GRIK5: variants seen among roughly 807,000 people sequenced by gnomAD.
GRIK5 encodes the protein glutamate ionotropic receptor kainate type subunit 5, also known as glutamate receptor ionotropic, kainate 5.
A neutral mutation model predicts 97.4 loss-of-function variants in GRIK5; 43 were observed. The ratio of observed to expected loss-of-function variants is 0.44; its 90% CI spans 0.35 to 0.57. GRIK5 has a LOEUF of 0.57. GRIK5 is among the 20% of genes least tolerant of loss of function. The pLI, the probability that GRIK5 is intolerant of heterozygous loss-of-function variation, is 0.01. For synonymous variants in GRIK5, 580 were observed against 583.5 expected (o/e 0.99, Z 0.09); for missense variants, 1,015 against 1,382.0 (o/e 0.73, Z 4.21).
At chr19:42,044,160 G>C (rs1335125220) in intron 11 of GRIK5, among the ~76,000 whole-genome samples, 1 of 152,114 alleles carries the variant, frequency 6.6e-6, no homozygotes, top group Non-Finnish European at 1.5e-5. Context: ...TGTGAAGAAG[G>C]TGCCTTGCTT....
intron 6 of GRIK5, 48 bp from the exon 7 acceptor site, chr19:42,057,026 C>A (rs1350832729): frequency 7.1e-7 from 1 of 1,416,568 alleles, no homozygotes; most frequent in African/African-American, 1.4e-5. Flanking sequence ...CAGAGACCCA[C>A]AGGCAGAGAT....
intron 15 of GRIK5, among the ~76,000 whole-genome samples, chr19:42,020,573 AGATAGGAGGTTGG>A: frequency 6.6e-6 from 1 of 152,194 alleles, no homozygotes; most frequent in Admixed American, 6.5e-5. Context: ...TCACAGGATG[AGATAGGAGGTTGG>A]CACAAGATAC....
Position 42,065,138 on chromosome 19 carries a change from C to G in GRIK5, c.244+85G>C, listed in dbSNP as rs1207264542. On this transcript the variant is annotated intron_variant, in intron 3 of 19. Transcript: ENST00000593562. This position sits in a 1 kb window ranked among gnomAD's most constrained non-coding sequence, Gnocchi z 5.8. ...AGGATGGAGCTAGAAGAGGACAAGG[C>G]CAGGCCAGAGGCCAGGGGCAGAGGG... 1.6e-6 allele frequency: 2 copies of G among 1,235,134 alleles called. No individual in the cohort carries two copies. The highest frequency in any genetic ancestry group is 3.0e-5 in the African/African-American group (2 of 67,330). The allele number at this position is 1,235,134 out of a possible 1,614,324, so 76.5% of individuals were successfully genotyped here.
intron 11 of GRIK5, among the ~76,000 whole-genome samples, chr19:42,045,782 C>T (rs10407506): frequency 0.18 from 26,974 of 152,146 alleles, 2,529 homozygotes; most frequent in Middle Eastern, 0.21. Flanking sequence ...ACAGCAATTC[C>T]GTCAGCGTGG....
In GRIK5 at chr19:42,002,384, G is replaced by A. The variant is rs2075433246; in HGVS notation, c.2514+948C>T. 7.0e-6 allele frequency: 5 copies of A among 717,660 alleles called. No homozygotes were observed. The highest frequency in any genetic ancestry group is 1.3e-5 in the Non-Finnish European group (5 of 385,106). The allele number at this position is 717,660 out of a possible 1,614,324, so 44.5% of individuals were successfully genotyped here. On this transcript the variant is annotated intron_variant, in intron 19 of 19. Coordinates refer to ENST00000593562, the MANE Select transcript of GRIK5 (RefSeq NM_002088.5). This position sits in a 1 kb window ranked among gnomAD's most constrained non-coding sequence, Gnocchi z 5.2. ...TGAATCCAATAAAGAGAGGACAACT[G>A]ATGCTGCAGGAGGAAAGGACAGACT...
chr19:42,005,687 C>T (rs1555872313), intron 17 of GRIK5, 36 bp downstream of exon 17: 8 of 1,485,950 alleles, frequency 5.4e-6, no homozygotes, highest in African/African-American at 2.8e-5. Context: ...TGGATGCCCA[C>T]GGCCCTGCTG....
At chr19:42,011,528 G>A (rs76605235) in intron 15 of GRIK5, among the ~76,000 whole-genome samples, 3 of 151,316 alleles carry the variant, frequency 2.0e-5, no homozygotes, top group Non-Finnish European at 4.4e-5. Context: ...ACTCCAGCCT[G>A]GGGGACAGAG....
At position 41,998,948 on chromosome 19, in the gene GRIK5, C is replaced by A; in HGVS notation, c.2866G>T (p.Val956Phe). The change falls in exon 20 of 20, where the codon GTC becomes TTC. Residue 956 changes from valine (V) to phenylalanine (F), a missense_variant. By Grantham distance (50) the Val-to-Phe change is conservative (BLOSUM62 -1). Around this residue, in one of 5 missense-constraint regions of GRIK5, gnomAD observed 109 missense variants for 100.4 expected, o/e 1.09. Transcript: ENST00000593562. Reference protein sequence around the residue: ...GAGAPPRGLGVPAEATSPPRP... With the variant: ...GAGAPPRGLGFPAEATSPPRP... Reference sequence around the variant, plus strand: ...GGCGGGCTGGTGGCTTCGGCGGGGACGCCCAGGCCACGCGGAGGCGCGCCG... The same window carrying A: ...GGCGGGCTGGTGGCTTCGGCGGGGAAGCCCAGGCCACGCGGAGGCGCGCCG... 8.8e-7 allele frequency: 1 copy of A among 1,140,868 alleles called. No homozygotes were observed. Among genetic ancestry groups the A allele is most frequent in the Admixed American group, 4.7e-5 (1 of 21,158 alleles). 70.7% of individuals were successfully genotyped at this position (1,140,868 alleles called of 1,614,324 possible). A position where few individuals can be genotyped will look rare whatever the true frequency, so the allele number is the denominator to read the frequency against.
chr19:42,040,002 C>T (rs548429802), intron 12 of GRIK5, among the ~76,000 whole-genome samples: 4 of 151,736 alleles, frequency 2.6e-5, no homozygotes, highest in Non-Finnish European at 5.9e-5. Context: ...AAAAAGGACA[C>T]ACGCATACAG....
intron 11 of GRIK5, among the ~76,000 whole-genome samples, chr19:42,043,675 GT>G (rs1366892255): frequency 6.6e-6 from 1 of 151,980 alleles, no homozygotes; most frequent in Non-Finnish European, 1.5e-5. Flanking sequence ...GCCTCCCAAA[GT>G]GCAGGTGTGA....
chr19:42,042,458 C>CAGGCT lies in GRIK5; in HGVS notation c.1473+89_1473+93dup. ...GGCTCCTTCCTCTTCTGCCACCAGCCAGGCTGCTTCTGAGGTTCGACTGGC... is the reference window on the plus strand; with the variant it reads ...GGCTCCTTCCTCTTCTGCCACCAGCCAGGCTAGGCTGCTTCTGAGGTTCGACTGGC... On this transcript the variant is annotated intron_variant, in intron 12 of 19. Transcript: ENST00000593562. This position sits in a 1 kb window ranked among gnomAD's most constrained non-coding sequence, Gnocchi z 6.9. The CAGGCT allele has an allele frequency of 2.7e-6, 3 of 1,108,594 alleles. No homozygotes were observed. Among genetic ancestry groups the CAGGCT allele is most frequent in the Non-Finnish European group, 3.9e-6 (3 of 762,056 alleles). 68.7% of individuals were successfully genotyped at this position (1,108,594 alleles called of 1,614,324 possible).
At position 42,022,639 on chromosome 19, in the gene GRIK5, T is replaced by C. The variant is rs980329037; in HGVS notation, c.1474-285A>G. On this transcript the variant is annotated intron_variant, in intron 12 of 19. Coordinates refer to ENST00000593562, the MANE Select transcript of GRIK5 (RefSeq NM_002088.5). This position sits in a 1 kb window ranked among gnomAD's most constrained non-coding sequence, Gnocchi z 4.2. ...GCATCAAGGGCTGGGGATGGAGGGG[T>C]TCCCCAAACTCCAATTCAAGCAGCA... 2 of 980,632 alleles carry C rather than the reference T, an allele frequency of 2.0e-6. No homozygotes were observed. Among genetic ancestry groups the C allele is most frequent in the African/African-American group, 1.8e-5 (1 of 55,466 alleles). 60.7% of individuals were successfully genotyped at this position (980,632 alleles called of 1,614,324 possible). A position where few individuals can be genotyped will look rare whatever the true frequency, so the allele number is the denominator to read the frequency against.
In GRIK5 at chr19:42,062,664, A is replaced by T. The variant is rs1189764408; in HGVS notation, c.343-11T>A. ...CTTGATGTGGGGGATCTGGACAGAG[A>T]GGAAACTTTGGCCTCCATCCTGCTT... On this transcript the variant is annotated splice_polypyrimidine_tract_variant and intron_variant, in intron 4 of 19. Transcript: ENST00000593562. The surrounding 1 kb of genome is among the most constrained non-coding windows in gnomAD (Gnocchi z 5.3). 1 of 1,613,800 alleles carries T rather than the reference A, an allele frequency of 6.2e-7. No homozygotes were observed. The highest frequency in any genetic ancestry group is 1.3e-5 in the African/African-American group (1 of 74,870).
Position 42,021,389 on chromosome 19 carries a change from T to A in GRIK5, c.1783A>T (p.Ser595Cys). ...ILENQYTLGN[S>C]LWFPVGGFMQ... ...AAGCCCCCCACGGGAAACCACAGGC[T>A]GTTGCCCAGCGTGTACTGGTTCTCC... The change falls in exon 15 of 20, where the codon AGC becomes TGC. Residue 595 changes from serine to cysteine, a missense_variant. By Grantham distance (112) the Ser-to-Cys change is moderately radical. Transcript: ENST00000593562. The surrounding 1 kb of genome is among the most constrained non-coding windows in gnomAD (Gnocchi z 4.2). 6.2e-7 allele frequency: 1 copy of A among 1,613,374 alleles called. No individual in the cohort carries two copies. Among genetic ancestry groups the A allele is most frequent in the African/African-American group, 1.3e-5 (1 of 75,056 alleles).
chr19:42,018,149 TAAAAAAAAAA>T (rs11452086), intron 15 of GRIK5, among the ~76,000 whole-genome samples: 3 of 62,804 alleles, frequency 4.8e-5, no homozygotes, highest in East Asian at 5.2e-4. Flanking sequence ...CCATCTCTAC[TAAAAAAAAAA>T]AAAAAAAAAA....
In GRIK5 at chr19:41,999,041, TG is replaced by T. The variant is rs1555870178; in HGVS notation, c.2772del (p.Thr925ProfsTer?). 1 of 629,490 alleles carries T rather than the reference TG, an allele frequency of 1.6e-6. No individual in the cohort carries two copies. The highest frequency in any genetic ancestry group is 2.0e-6 in the Non-Finnish European group (1 of 496,030). 39.0% of individuals were successfully genotyped at this position (629,490 alleles called of 1,614,324 possible). A position where few individuals can be genotyped will look rare whatever the true frequency, so the allele number is the denominator to read the frequency against. On this transcript the variant is annotated frameshift_variant, in exon 20 of 20. Coordinates refer to ENST00000593562, the MANE Select transcript of GRIK5 (RefSeq NM_002088.5). LOFTEE classifies it low-confidence loss of function (END_TRUNC). The surrounding 1 kb of genome is among the most constrained non-coding windows in gnomAD (Gnocchi z 5.0). ...CAGACGCGCACGTGGGTGCAGGGGG[TG>T]GGGGCGGCGGGTCGGGCTCCGCTGG... is the stretch of plus-strand genomic sequence containing the variant. ...GPPSGARPAA[P>X]TPCTHVRVCQ... is the part of the protein sequence containing the mutation.
Position 41,999,984 on chromosome 19 carries a change from C to T in GRIK5, c.2515-685G>A, listed in dbSNP as rs1182207637. Among the ~76,000 whole-genome samples the T allele has an allele frequency of 6.6e-6, 1 of 152,212 alleles. No individual in the cohort carries two copies. The highest frequency in any genetic ancestry group is 1.5e-5 in the Non-Finnish European group (1 of 68,038). On this transcript the variant is annotated intron_variant, in intron 19 of 19. Coordinates refer to ENST00000593562, the MANE Select transcript of GRIK5 (RefSeq NM_002088.5). The surrounding 1 kb of genome is among the most constrained non-coding windows in gnomAD (Gnocchi z 5.0). ...AGACCTGGGAAGCCAGCCTGCTGGACAGATAACCGGGCAGGGCCGAAATGC... is the reference window on the plus strand; with the variant it reads ...AGACCTGGGAAGCCAGCCTGCTGGATAGATAACCGGGCAGGGCCGAAATGC...
At chr19:42,040,697 A>C (rs1325465569) in intron 12 of GRIK5, among the ~76,000 whole-genome samples, 1 of 152,120 alleles carries the variant, frequency 6.6e-6, no homozygotes, top group Non-Finnish European at 1.5e-5. Flanking sequence ...TGCTCCAAAA[A>C]ATACAAAAAT....
intron 15 of GRIK5, among the ~76,000 whole-genome samples, chr19:42,014,610 C>T (rs988106737): frequency 6.6e-6 from 1 of 151,968 alleles, no homozygotes; most frequent in Non-Finnish European, 1.5e-5. Flanking sequence ...TGGTGAAACC[C>T]TGCCTCTACT....
Sources: allele counts gnomAD v4.1 joint callset (sites outside exome capture counted in the v4.1 genomes callset), GRCh38; gene constraint gnomAD v4.1.1; regional missense constraint gnomAD v4.1.1; non-coding constraint Gnocchi (gnomAD v3.1); transcripts MANE v1.5; gene names NCBI Gene and HGNC (gene_info 2026-07-23, HGNC 2026-07-21).